Variants in GYS2 observed in about 807,000 individuals in gnomAD.
The protein encoded by GYS2 is glycogen synthase 2, also known as glycogen [starch] synthase, liver.
Under a neutral mutation model 85.6 loss-of-function variants are expected in GYS2, and 80 were observed. The ratio of observed to expected loss-of-function variants is 0.93; its 90% CI spans 0.78 to 1.13. The LOEUF is 1.13. Among genes scored for constraint, GYS2 ranks in the 50% most tolerant of loss-of-function variants. The pLI is 0.00. For missense variants in GYS2, 881 were observed against 854.9 expected (o/e 1.03, Z -0.38); for synonymous variants, 328 against 300.7 (o/e 1.09, Z -0.94).
At chr12:21,555,799 T>C (rs4762844) in intron 11 of GYS2, among the ~76,000 whole-genome samples, 110,144 of 152,066 alleles carry the variant, frequency 0.72, 40,442 homozygotes, top group South Asian at 0.79. Flanking sequence ...CTGCAGCACC[T>C]GAAAAAGCCT....
At position 21,571,483 on chromosome 12, in the gene GYS2, T is replaced by A. The variant is rs74066715; in HGVS notation, c.679-2474A>T. Reference sequence around the variant, plus strand: ...AAAAACAAAAAATGGGTAAAGTACATATTAATCAATAAAACACAGTCCAGT... The same window carrying A: ...AAAAACAAAAAATGGGTAAAGTACAAATTAATCAATAAAACACAGTCCAGT... On this transcript the variant is annotated intron_variant, in intron 4 of 15. Transcript: ENST00000261195. Among the ~76,000 whole-genome samples the A allele has an allele frequency of 9.2e-3, 1,395 of 152,284 alleles. 27 individuals carry two copies. The highest frequency in any genetic ancestry group is 0.032 in the African/African-American group (1,314 of 41,542).
Position 21,566,934 on chromosome 12 carries a change from C to G in GYS2, c.823+1931G>C, listed in dbSNP as rs1009926832. Among the ~76,000 whole-genome samples the G allele has an allele frequency of 5.3e-4, 80 of 152,056 alleles. 1 individual carries two copies. The highest frequency in any genetic ancestry group is 5.2e-4 in the Admixed American group (8 of 15,256). On this transcript the variant is annotated intron_variant, in intron 5 of 15. Transcript: ENST00000261195. The stretch of plus-strand genomic sequence containing the variant: ...GAGAAAGCAGGACCTAGAATAGAAT[C>G]TTGGAGAATGTCCACTTTGAAAAGT...
intron 1 of GYS2, among the ~76,000 whole-genome samples, chr12:21,597,983 G>A (rs1055663404): frequency 1.3e-5 from 2 of 152,056 alleles, no homozygotes; most frequent in Non-Finnish European, 2.9e-5. Flanking sequence ...ATATGTGGGA[G>A]CTAAAAAAGT....
intron 10 of GYS2, 150 bp downstream of exon 10, chr12:21,558,941 C>A: frequency 1.9e-6 from 1 of 516,102 alleles, no homozygotes; most frequent in Non-Finnish European, 3.5e-6. Context: ...AAAAAATGTC[C>A]AAAGTAATCA....
chr12:21,536,843 A>T lies in GYS2; in HGVS notation c.*111T>A. On this transcript the variant is annotated 3_prime_UTR_variant, in exon 16 of 16. Transcript: ENST00000261195. ...CTTCCACTTTTTAGGCAGAGAATAA[A>T]CTCCATTGTAATACTTAGAAGGAGA... is the stretch of plus-strand genomic sequence containing the variant. The T allele has an allele frequency of 1.3e-6, 1 of 757,900 alleles. No individual in the cohort carries two copies. The highest frequency in any genetic ancestry group is 2.3e-6 in the Non-Finnish European group (1 of 436,950). 46.9% of individuals were successfully genotyped at this position (757,900 alleles called of 1,614,324 possible).
chr12:21,560,390 G>T lies in GYS2; in HGVS notation c.1165C>A (p.Leu389Met). ...ATTCACAGGTTGTGAGATTACCACAGCTGTTTTCGCACTGCTTGTCCTTTC... is the reference window on the plus strand; with the variant it reads ...ATTCACAGGTTGTGAGATTACCACATCTGTTTTCGCACTGCTTGTCCTTTC... ...TLKGQAVRKQ[L>M]WDVAHSVKEK... The change falls in exon 8 of 16, where the codon CTG becomes ATG. Residue 389 changes from leucine to methionine, a missense_variant. Transcript: ENST00000261195. 1 of 1,555,704 alleles carries T rather than the reference G, an allele frequency of 6.4e-7. No individual in the cohort carries two copies. Among genetic ancestry groups the T allele is most frequent in the Non-Finnish European group, 8.9e-7 (1 of 1,126,906 alleles).
chr12:21,552,177 C>T (rs1321040644), intron 11 of GYS2, among the ~76,000 whole-genome samples: 1 of 152,124 alleles, frequency 6.6e-6, no homozygotes, highest in Non-Finnish European at 1.5e-5. Context: ...GTAGGAAAAA[C>T]AAAACAAGAA....
Position 21,536,861 on chromosome 12 carries a change from G to A in GYS2, c.*93C>T. 1.2e-6 allele frequency: 1 copy of A among 852,726 alleles called. No homozygotes were observed. The highest frequency in any genetic ancestry group is 2.0e-6 in the Non-Finnish European group (1 of 509,274). The allele number at this position is 852,726 out of a possible 1,614,324, so 52.8% of individuals were successfully genotyped here. A position where few individuals can be genotyped will look rare whatever the true frequency, so the allele number is the denominator to read the frequency against. ...AGAATAAACTCCATTGTAATACTTAGAAGGAGAAAATGAAATTTGTGGCAT... is the reference window on the plus strand; with the variant it reads ...AGAATAAACTCCATTGTAATACTTAAAAGGAGAAAATGAAATTTGTGGCAT... On this transcript the variant is annotated 3_prime_UTR_variant, in exon 16 of 16. Coordinates refer to ENST00000261195, the MANE Select transcript of GYS2 (RefSeq NM_021957.4).
intron 1 of GYS2, among the ~76,000 whole-genome samples, chr12:21,603,201 G>C (rs1483418912): frequency 1.3e-5 from 2 of 152,022 alleles, no homozygotes; most frequent in Admixed American, 6.6e-5. Flanking sequence ...ACAGAAACAG[G>C]TACACATAAA....
chr12:21,555,880 A>C (rs1944173411), intron 11 of GYS2, among the ~76,000 whole-genome samples: 1 of 152,160 alleles, frequency 6.6e-6, no homozygotes, highest in East Asian at 1.9e-4. Context: ...CCAGATCAAA[A>C]ACATGGCATC....
chr12:21,602,412 T>C (rs1565615440), intron 1 of GYS2, among the ~76,000 whole-genome samples: 1 of 152,052 alleles, frequency 6.6e-6, no homozygotes, highest in African/African-American at 2.4e-5. Flanking sequence ...CTCATATCAC[T>C]ACTATGAAAT....
chr12:21,561,190 A>G (rs901903080), intron 7 of GYS2, among the ~76,000 whole-genome samples: 1 of 152,232 alleles, frequency 6.6e-6, no homozygotes, highest in African/African-American at 2.4e-5. Context: ...AAAGAAAGGA[A>G]TGAGAGGTTA....
At chr12:21,554,627 T>C (rs1944155757) in intron 11 of GYS2, among the ~76,000 whole-genome samples, 1 of 152,160 alleles carries the variant, frequency 6.6e-6, no homozygotes, top group Non-Finnish European at 1.5e-5. Context: ...GTCTCGAGAA[T>C]ACAGATAAGG....
At chr12:21,587,440 C>T (rs1944586705) in intron 1 of GYS2, among the ~76,000 whole-genome samples, 1 of 152,156 alleles carries the variant, frequency 6.6e-6, no homozygotes, top group South Asian at 2.1e-4. Flanking sequence ...GAGGAGGTTA[C>T]TCTCATGCTC....
intron 11 of GYS2, 139 bp from the exon 12 acceptor site, chr12:21,546,609 A>G (rs1944043329): frequency 1.7e-6 from 1 of 601,416 alleles, no homozygotes; most frequent in Non-Finnish European, 2.9e-6. Context: ...GAGATAAGAC[A>G]AAAGAAAAAG....
At chr12:21,539,376 C>T in intron 14 of GYS2, 38 bp from the exon 15 acceptor site, 1 of 1,055,812 alleles carries the variant, frequency 9.5e-7, no homozygotes, top group Non-Finnish European at 1.5e-6. Context: ...TAATAAAAAC[C>T]CTTAGATATC....
At chr12:21,575,674 G>C (rs1944436560) in intron 3 of GYS2, among the ~76,000 whole-genome samples, 192 bp downstream of exon 3, 1 of 152,054 alleles carries the variant, frequency 6.6e-6, no homozygotes, top group Non-Finnish European at 1.5e-5. Context: ...ATAGTAATAA[G>C]TATCATTATT....
chr12:21,591,444 T>C (rs553657850), intron 1 of GYS2, among the ~76,000 whole-genome samples: 3 of 148,408 alleles, frequency 2.0e-5, no homozygotes, highest in South Asian at 4.2e-4. Flanking sequence ...GCTGGTCAAA[T>C]GATAGAAAGG....
At chr12:21,549,714 A>C (rs1944084045) in intron 11 of GYS2, among the ~76,000 whole-genome samples, 1 of 152,198 alleles carries the variant, frequency 6.6e-6, no homozygotes, top group African/African-American at 2.4e-5. Flanking sequence ...TAGTTCACAC[A>C]TCTTTGGCAG....
Sources: allele counts gnomAD v4.1 joint callset (sites outside exome capture counted in the v4.1 genomes callset), GRCh38; gene constraint gnomAD v4.1.1; transcripts MANE v1.5; gene names NCBI Gene and HGNC (gene_info 2026-07-23, HGNC 2026-07-21).